DIDO1: variants seen among roughly 807,000 people sequenced by gnomAD.
The protein encoded by DIDO1 is death inducer-obliterator 1, also known as death-inducer obliterator 1.
DIDO1 carries 16 observed loss-of-function variants against 99.4 expected under a neutral mutation model. The observed-to-expected ratio is 0.16, with a 90% CI of 0.11 to 0.24. DIDO1 has a LOEUF of 0.24. DIDO1 is among the 10% of genes least tolerant of loss of function. The pLI is 1.00. For missense variants in DIDO1, 2,996 were observed against 3,014.0 expected (o/e 0.99, Z 0.14); for synonymous variants, 1,366 against 1,239.1 (o/e 1.10, Z -2.15).
chr20:62,918,415 G>A (rs994725294), intron 1 of DIDO1, among the ~76,000 whole-genome samples: 12 of 152,230 alleles, frequency 7.9e-5, no homozygotes, highest in Non-Finnish European at 1.3e-4. Flanking sequence ...CACCACTGGC[G>A]TGAGCCACAG....
intron 6 of DIDO1, chr20:62,905,596 C>G (rs903533391): frequency 6.4e-7 from 1 of 1,551,392 alleles, no homozygotes; most frequent in South Asian, 1.2e-5. Flanking sequence ...GAATACTTAC[C>G]AGAGCCTGAG....
upstream of DIDO1, among the ~76,000 whole-genome samples, chr20:62,928,065 GCT>G (rs750880771): frequency 1.3e-5 from 2 of 152,158 alleles, no homozygotes; most frequent in African/African-American, 4.8e-5. Context: ...CCTACAAGAG[GCT>G]CTCTCTAAAT....
Position 62,881,238 on chromosome 20 carries a change from C to A in DIDO1, c.4718G>T (p.Gly1573Val). 1 of 1,603,254 alleles carries A rather than the reference C, an allele frequency of 6.2e-7. No homozygotes were observed. Among genetic ancestry groups the A allele is most frequent in the Non-Finnish European group, 8.5e-7 (1 of 1,177,516 alleles). ...ARRLATETGE[G>V]EGEPLSRLSA... ...GAGCCTGGAGAGAGGCTCCCCCTCCCCCTCACCGGTCTCAGTGGCCAGGCG... is the reference window on the plus strand; with the variant it reads ...GAGCCTGGAGAGAGGCTCCCCCTCCACCTCACCGGTCTCAGTGGCCAGGCG... Residue 1573 changes from glycine to valine, a missense_variant, in exon 16 of 16, where the codon GGG becomes GTG. By Grantham distance (109) the Gly-to-Val change is moderately radical. Around this residue, in one of 5 missense-constraint regions of DIDO1, gnomAD observed 1,562 missense variants for 1,412.6 expected, o/e 1.11. Coordinates refer to ENST00000395343, the MANE Select transcript of DIDO1 (RefSeq NM_001193369.2). This position sits in a 1 kb window ranked among gnomAD's most constrained non-coding sequence, Gnocchi z 8.3.
At chr20:62,890,583 G>C (rs2064376360) in intron 15 of DIDO1, 4 of 1,040,402 alleles carry the variant, frequency 3.8e-6, no homozygotes, top group Non-Finnish European at 4.6e-6. Context: ...CCACTTCCCG[G>C]TGTGTGCTGG....
rs1477037609 is a variant in DIDO1, at chr20:62,880,768, C to T, written c.5188G>A (p.Gly1730Ser). The change falls in exon 16 of 16, where the codon GGC becomes AGC. Residue 1730 changes from glycine (G) to serine (S), a missense_variant. Coordinates refer to ENST00000395343, the MANE Select transcript of DIDO1 (RefSeq NM_001193369.2). ...GGGGGGAGCGGGGCGGTGCCCTCGC[C>T]GGGTCTGGCCTGTGGCTCTCTGTCC... ...EGDREPQARPGEGTAPLPPPG... is the reference protein window; with the variant it reads ...EGDREPQARPSEGTAPLPPPG... 1.2e-6 allele frequency: 2 copies of T among 1,612,742 alleles called. No homozygotes were observed. Among genetic ancestry groups the T allele is most frequent in the Non-Finnish European group, 1.7e-6 (2 of 1,179,910 alleles).
In DIDO1 at chr20:62,911,180, C is replaced by T; in HGVS notation, c.433G>A (p.Gly145Arg). Residue 145 changes from glycine (G) to arginine (R), a missense_variant, in exon 3 of 16, where the codon GGG (glycine) becomes AGG (arginine). Gly to Arg is a moderately radical substitution (Grantham distance 125). Coordinates refer to ENST00000395343, the MANE Select transcript of DIDO1 (RefSeq NM_001193369.2). The surrounding 1 kb of genome is among the most constrained non-coding windows in gnomAD (Gnocchi z 7.0). ...RPASSEKVKG[G>R]DDHDDTSDSD... ...TCGGAGGTGTCATCGTGGTCATCCC[C>T]TCCTTTCACCTTTTCAGAAGAGGCT... 2 of 1,614,052 alleles carry T rather than the reference C, an allele frequency of 1.2e-6. No individual in the cohort carries two copies. The highest frequency in any genetic ancestry group is 8.5e-7 in the Non-Finnish European group (1 of 1,180,048).
At chr20:62,913,010 C>G (rs182400041) in intron 2 of DIDO1, among the ~76,000 whole-genome samples, 1 of 152,054 alleles carries the variant, frequency 6.6e-6, no homozygotes, top group African/African-American at 2.4e-5. Flanking sequence ...CCAGCCTGGG[C>G]GAGCAAGACT....
rs11467476 is a variant in DIDO1, at chr20:62,901,817, GAAA to G, written c.1588+4067_1588+4069del. ...CTATGTGTATGTTGATGTGTTAACA[GAAA>G]AAAAAAAAAAAAAACCTAGTATTAT... On this transcript the variant is annotated intron_variant, in intron 6 of 15. Coordinates refer to ENST00000395343, the MANE Select transcript of DIDO1 (RefSeq NM_001193369.2). Among the ~76,000 whole-genome samples, 199 of 113,096 alleles carry G rather than the reference GAAA, an allele frequency of 1.8e-3. 2 individuals are homozygous for G. Among genetic ancestry groups the G allele is most frequent in the African/African-American group, 3.2e-3 (109 of 33,884 alleles). 74.2% of individuals were successfully genotyped at this position (113,096 alleles called of 152,430 possible).
At chr20:62,912,369 C>A (rs1408612835) in intron 2 of DIDO1, among the ~76,000 whole-genome samples, 1 of 151,914 alleles carries the variant, frequency 6.6e-6, no homozygotes, top group Admixed American at 6.5e-5. Flanking sequence ...ATATTGTTAG[C>A]AGCAAGACAA....
intron 1 of DIDO1, among the ~76,000 whole-genome samples, chr20:62,920,494 TGCCCCAA>T (rs1293330979): frequency 2.6e-5 from 4 of 152,228 alleles, no homozygotes; most frequent in Non-Finnish European, 4.4e-5. Context: ...ATTCCACACT[TGCCCCAA>T]GGGGCAAGCA....
chr20:62,917,645 C>A (rs1044495569), intron 1 of DIDO1, among the ~76,000 whole-genome samples: 1 of 152,080 alleles, frequency 6.6e-6, no homozygotes, highest in African/African-American at 2.4e-5. Context: ...GCAGCAGAAG[C>A]TTTATATATA....
At position 62,881,767 on chromosome 20, in the gene DIDO1, A is replaced by T; in HGVS notation, c.4189T>A (p.Phe1397Ile). ...PEEEYDPERAFDTQLVERGRR... is the reference protein window; with the variant it reads ...PEEEYDPERAIDTQLVERGRR... ...CCTCGCTCCACAAGCTGAGTGTCGA[A>T]GGCCCTCTCCGGGTCGTACTCCTCC... Residue 1397 changes from phenylalanine to isoleucine, a missense_variant, in exon 16 of 16, where the codon TTC (phenylalanine) becomes ATC (isoleucine). Phe to Ile is a conservative substitution (Grantham distance 21). Coordinates refer to ENST00000395343, the MANE Select transcript of DIDO1 (RefSeq NM_001193369.2). This position sits in a 1 kb window ranked among gnomAD's most constrained non-coding sequence, Gnocchi z 8.3. 1.2e-6 allele frequency: 2 copies of T among 1,613,202 alleles called. No homozygotes were observed. The highest frequency in any genetic ancestry group is 1.7e-6 in the Non-Finnish European group (2 of 1,179,984).
chr20:62,920,852 G>C (rs62200156), intron 1 of DIDO1, among the ~76,000 whole-genome samples: 3,846 of 152,252 alleles, frequency 0.025, 56 homozygotes, highest in African/African-American at 0.03. Context: ...TTGAAAACAG[G>C]TTCCACTAAA....
At chr20:62,929,693 G>GTA (rs565069048), upstream of DIDO1, among the ~76,000 whole-genome samples, 902 of 97,960 alleles carry the variant, frequency 9.2e-3, 131 homozygotes, top group Non-Finnish European at 0.012. Flanking sequence ...AAAAGAAAAA[G>GTA]TGTATATATA....
In DIDO1 at chr20:62,878,839, G is replaced by C. The variant is rs374023927; in HGVS notation, c.*394C>G. 41 of 162,258 alleles carry C rather than the reference G, an allele frequency of 2.5e-4. No individual in the cohort carries two copies. The highest frequency in any genetic ancestry group is 2.4e-3 in the South Asian group (12 of 4,984). The allele number at this position is 162,258 out of a possible 1,614,324, so 10.1% of individuals were successfully genotyped here. A position where few individuals can be genotyped will look rare whatever the true frequency, so the allele number is the denominator to read the frequency against. The stretch of plus-strand genomic sequence containing the variant: ...GCAGGTCACGCCCACACCGGCCTCC[G>C]GGGCGGCGGCTAAGACCTGTAAAAG... On this transcript the variant is annotated 3_prime_UTR_variant, in exon 16 of 16. Transcript: ENST00000395343.
At chr20:62,890,807 A>T in intron 15 of DIDO1, 153 bp downstream of exon 15, 1 of 1,506,840 alleles carries the variant, frequency 6.6e-7, no homozygotes, top group South Asian at 1.3e-5. Flanking sequence ...CTACGCCCTC[A>T]AAGATGAATC....
chr20:62,896,089 G>A lies in DIDO1; in HGVS notation c.2214+144C>T, dbSNP rs549698255. ...ACGCTCAACGCCAGTGCAACAATAC[G>A]TGGGCGGCAGAAGGATCACAGAGGA... On this transcript the variant is annotated intron_variant, in intron 8 of 15. Coordinates refer to ENST00000395343, the MANE Select transcript of DIDO1 (RefSeq NM_001193369.2). The surrounding 1 kb of genome is among the most constrained non-coding windows in gnomAD (Gnocchi z 4.4). The A allele has an allele frequency of 9.6e-5, 88 of 913,950 alleles. No individual in the cohort carries two copies. The African/African-American group carries it at 1.2e-3, about 13-fold the overall frequency. 56.6% of individuals were successfully genotyped at this position (913,950 alleles called of 1,614,324 possible).
At chr20:62,936,382 A>C (rs1226755166) in intron 1 of DIDO1, among the ~76,000 whole-genome samples, 2 of 151,848 alleles carry the variant, frequency 1.3e-5, no homozygotes, top group East Asian at 3.9e-4. Flanking sequence ...GTGAAACCCC[A>C]CCCGTACTAA....
chr20:62,893,880 C>G lies in DIDO1; in HGVS notation c.2887G>C (p.Val963Leu). Reference sequence around the variant, plus strand: ...GCGGTCCTGGGGTCCCGGCCGGACACTGTGACGGTGGTGACCACCCCGCTC... The same window carrying G: ...GCGGTCCTGGGGTCCCGGCCGGACAGTGTGACGGTGGTGACCACCCCGCTC... ...CGSGVVTTVT[V>L]SGRDPRTAPS... Residue 963 changes from valine to leucine, a missense_variant, in exon 12 of 16, where the codon GTG becomes CTG. Val to Leu is a conservative substitution (Grantham distance 32). This residue lies in a region of DIDO1 where 898 missense variants were observed against 972.7 expected (regional missense o/e 0.92). Coordinates refer to ENST00000395343, the MANE Select transcript of DIDO1 (RefSeq NM_001193369.2). 6.2e-7 allele frequency: 1 copy of G among 1,611,776 alleles called. No homozygotes were observed. The highest frequency in any genetic ancestry group is 8.5e-7 in the Non-Finnish European group (1 of 1,178,314).
Sources: gnomAD v4.1 joint callset for allele counts (sites outside exome capture counted in the v4.1 genomes callset) on GRCh38, gnomAD v4.1.1 for gene constraint, gnomAD v4.1.1 regional missense constraint, Gnocchi (gnomAD v3.1) non-coding constraint, MANE v1.5 for transcripts, NCBI Gene and HGNC (gene_info 2026-07-23, HGNC 2026-07-21) for gene names.